PRDM10: variants seen among roughly 807,000 people sequenced by gnomAD.
PRDM10 encodes PR domain zinc finger protein 10.
In PRDM10, 65 loss-of-function variants were observed where a neutral mutation model predicts 133.1. The observed-to-expected ratio is 0.49, with a 90% CI of 0.40 to 0.60. The LOEUF (loss-of-function observed/expected upper bound fraction) is 0.60. Ranked by LOEUF, PRDM10 falls within the 20% of genes least tolerant of loss-of-function variation. The pLI, the probability that PRDM10 is intolerant of heterozygous loss-of-function variation, is 0.00. For missense variants in PRDM10, 1,137 were observed against 1,507.1 expected, an observed-to-expected ratio of 0.75 and a Z score of 4.07; for synonymous variants, 582 against 580.4, an observed-to-expected ratio of 1.00 and a Z score of -0.04.
intron 13 of PRDM10, among the ~76,000 whole-genome samples, chr11:129,920,558 G>A (rs1241959597): frequency 2.0e-5 from 3 of 151,856 alleles, no homozygotes; most frequent in South Asian, 2.1e-4. Flanking sequence ...TTAGCACAGC[G>A]CGCTAGCTTA....
intron 19 of PRDM10, among the ~76,000 whole-genome samples, chr11:129,906,481 T>A (rs1335892464): frequency 1.3e-5 from 2 of 152,218 alleles, no homozygotes; most frequent in East Asian, 3.9e-4. Context: ...ATAACCACCA[T>A]AAGACGTGCA....
chr11:129,917,261 T>C (rs1243013037), intron 14 of PRDM10, 24 bp from the exon 15 acceptor site: 2 of 1,557,976 alleles, frequency 1.3e-6, no homozygotes, highest in East Asian at 2.2e-5. Context: ...AAAGAACCAA[T>C]GAGAAAAAGA....
chr11:129,984,862 T>G (rs1938325489), intron 1 of PRDM10, among the ~76,000 whole-genome samples: 1 of 152,172 alleles, frequency 6.6e-6, no homozygotes, highest in Non-Finnish European at 1.5e-5. Flanking sequence ...CGAGGATGCT[T>G]TCTCCGCCAC....
At chr11:129,969,193 A>G (rs901745680) in intron 1 of PRDM10, among the ~76,000 whole-genome samples, 4 of 152,246 alleles carry the variant, frequency 2.6e-5, no homozygotes, top group African/African-American at 9.6e-5. Context: ...CTTTCAACGA[A>G]TATACACTAG....
At chr11:129,973,485 C>T (rs1937618280) in intron 1 of PRDM10, among the ~76,000 whole-genome samples, 2 of 152,182 alleles carry the variant, frequency 1.3e-5, no homozygotes, top group Non-Finnish European at 2.9e-5. Flanking sequence ...TATTTGATGA[C>T]ATTTTGAATG....
intron 3 of PRDM10, among the ~76,000 whole-genome samples, chr11:129,956,794 G>T (rs1951704609): frequency 1.3e-5 from 2 of 152,168 alleles, no homozygotes; most frequent in South Asian, 4.1e-4. Flanking sequence ...AGTGATCTGA[G>T]CCTCTTTATT....
intron 1 of PRDM10, among the ~76,000 whole-genome samples, chr11:130,001,062 G>A (rs1449240052): frequency 6.6e-6 from 1 of 152,140 alleles, no homozygotes; most frequent in East Asian, 1.9e-4. Flanking sequence ...AGCCAAGATC[G>A]CGCCACTGCA....
chr11:129,937,160 G>A (rs982615834), intron 8 of PRDM10, among the ~76,000 whole-genome samples: 2 of 152,182 alleles, frequency 1.3e-5, no homozygotes, highest in Admixed American at 6.5e-5. Context: ...GCACAGTAAC[G>A]CTGTTTCTTG....
chr11:129,918,500 C>A lies in PRDM10; in HGVS notation c.2214+39G>T. ...CCATCATCGACAGCAATGAGGTATG[C>A]TGGGAAGACAGAGGAACCCGCAGCC... On this transcript the variant is annotated intron_variant, in intron 14 of 20. Transcript: ENST00000360871. This position sits in a 1 kb window ranked among gnomAD's most constrained non-coding sequence, Gnocchi z 5.3. 1.3e-6 allele frequency: 2 copies of A among 1,597,862 alleles called. No homozygotes were observed. Among genetic ancestry groups the A allele is most frequent in the Non-Finnish European group, 1.7e-6 (2 of 1,171,064 alleles).
intron 1 of PRDM10, among the ~76,000 whole-genome samples, chr11:129,983,308 T>A (rs1258944848): frequency 1.7e-4 from 26 of 150,564 alleles, no homozygotes; most frequent in African/African-American, 6.1e-4. Context: ...CTTTTTTTTT[T>A]TTTTTAGACG....
At chr11:129,912,752 GAA>G (rs879486759) in intron 17 of PRDM10, among the ~76,000 whole-genome samples, 8 of 96,584 alleles carry the variant, frequency 8.3e-5, no homozygotes, top group African/African-American at 1.9e-4. Context: ...ACTCCATCTC[GAA>G]AAAAAAAAAA....
intron 19 of PRDM10, among the ~76,000 whole-genome samples, chr11:129,906,031 A>C (rs375422135): frequency 7.2e-5 from 11 of 152,228 alleles, no homozygotes; most frequent in Non-Finnish European, 1.5e-4. Context: ...TACGTCACAA[A>C]GAGTTACCTT....
At chr11:129,911,662 T>C (rs10791057) in intron 18 of PRDM10, among the ~76,000 whole-genome samples, 35,030 of 152,170 alleles carry the variant, frequency 0.23, 7,971 homozygotes, top group African/African-American at 0.56. Flanking sequence ...CTAAAAAATG[T>C]CCTGGATTCC....
chr11:129,908,961 C>T (rs1485773984), intron 19 of PRDM10, among the ~76,000 whole-genome samples: 2 of 151,734 alleles, frequency 1.3e-5, no homozygotes, highest in East Asian at 4.0e-4. Flanking sequence ...AACTCCTGAC[C>T]TCAAGTGATC....
intron 4 of PRDM10, among the ~76,000 whole-genome samples, chr11:129,951,536 G>C (rs1951582225): frequency 6.6e-6 from 1 of 152,174 alleles, no homozygotes; most frequent in African/African-American, 2.4e-5. Flanking sequence ...ATAAAATACA[G>C]TAAAAGCAAA....
At chr11:129,932,748 C>T (rs1950910480) in intron 9 of PRDM10, among the ~76,000 whole-genome samples, 1 of 152,068 alleles carries the variant, frequency 6.6e-6, no homozygotes, top group African/African-American at 2.4e-5. Flanking sequence ...TTAACTTTTG[C>T]ATCCCCTTTA....
chr11:129,928,569 T>A (rs941598589), intron 11 of PRDM10, among the ~76,000 whole-genome samples: 4 of 151,992 alleles, frequency 2.6e-5, no homozygotes, highest in East Asian at 3.9e-4. Flanking sequence ...TTTTGTATTT[T>A]TTTTTAGTAG....
chr11:129,969,620 C>A (rs1951975246), intron 1 of PRDM10, among the ~76,000 whole-genome samples: 1 of 150,348 alleles, frequency 6.7e-6, no homozygotes, highest in Non-Finnish European at 1.5e-5. Context: ...ATAGTGAAAC[C>A]CCATCTCTAC....
chr11:129,905,796 T>C, intron 19 of PRDM10, 55 bp from the exon 20 acceptor site: 1 of 1,485,930 alleles, frequency 6.7e-7, no homozygotes, highest in Non-Finnish European at 9.3e-7. Flanking sequence ...ACACAAGTCT[T>C]AGAAACAAAA....
Sources: gnomAD v4.1 joint callset for allele counts (sites outside exome capture counted in the v4.1 genomes callset) on GRCh38, gnomAD v4.1.1 for gene constraint, Gnocchi (gnomAD v3.1) non-coding constraint, MANE v1.5 for transcripts, NCBI Gene and HGNC (gene_info 2026-07-23, HGNC 2026-07-21) for gene names.